PTCHD4: variants seen among roughly 807,000 people sequenced by gnomAD.
PTCHD4 encodes the protein patched domain containing 4.
Under a neutral mutation model 58.1 loss-of-function variants are expected in PTCHD4, and 33 were observed. The observed-to-expected ratio is 0.57, with a 90% CI of 0.43 to 0.76. The LOEUF (loss-of-function observed/expected upper bound fraction) is 0.76. Among genes scored for constraint, PTCHD4 ranks in the 30% least tolerant of loss-of-function variants. The probability of loss-of-function intolerance (pLI) is 0.00; values close to 1 mark genes in which losing one functional copy is unlikely to be tolerated. For synonymous variants in PTCHD4, 478 were observed against 409.6 expected, an observed-to-expected ratio of 1.17 and a Z score of -2.02; for missense variants, 1,058 against 1,027.1, an observed-to-expected ratio of 1.03 and a Z score of -0.41.
intron 1 of PTCHD4, among the ~76,000 whole-genome samples, chr6:48,096,028 T>C (rs1024150511): frequency 5.3e-5 from 8 of 152,326 alleles, no homozygotes; most frequent in Admixed American, 2.0e-4. Context: ...GAAGCAATGA[T>C]GAATAGGATA....
At chr6:47,992,330 C>T (rs960805857) in intron 4 of PTCHD4, among the ~76,000 whole-genome samples, 2 of 152,062 alleles carry the variant, frequency 1.3e-5, no homozygotes, top group East Asian at 3.8e-4. Flanking sequence ...TATGCACGCA[C>T]GTAATAACAT....
chr6:48,104,476 G>A (rs573018913), intron 1 of PTCHD4, among the ~76,000 whole-genome samples: 29 of 152,214 alleles, frequency 1.9e-4, no homozygotes, highest in Admixed American at 9.2e-4. Flanking sequence ...AGGAACAACC[G>A]GTACCAGCCA....
intron 3 of PTCHD4, among the ~76,000 whole-genome samples, chr6:48,017,132 A>T (rs960243299): frequency 6.6e-6 from 1 of 152,150 alleles, no homozygotes; most frequent in African/African-American, 2.4e-5. Flanking sequence ...ATTTTTCCTC[A>T]TATTTATTTT....
At chr6:48,075,663 C>T (rs1230741548) in intron 1 of PTCHD4, among the ~76,000 whole-genome samples, 2 of 152,100 alleles carry the variant, frequency 1.3e-5, no homozygotes, top group Admixed American at 6.5e-5. Context: ...TTTTTGGTTT[C>T]CCAGTGCATA....
intron 3 of PTCHD4, among the ~76,000 whole-genome samples, chr6:48,061,880 T>G (rs1434702053): frequency 6.6e-6 from 1 of 152,122 alleles, no homozygotes; most frequent in Non-Finnish European, 1.5e-5. Context: ...GGAGGAGACT[T>G]GAGTGATTTG....
Position 47,878,377 on chromosome 6 carries a change from C to T in PTCHD4, c.2458G>A (p.Ala820Thr), listed in dbSNP as rs761782656. 11 of 1,612,202 alleles carry T rather than the reference C, an allele frequency of 6.8e-6. No homozygotes were observed. Among genetic ancestry groups the T allele is most frequent in the Non-Finnish European group, 9.3e-6 (11 of 1,179,328 alleles). ...ATTTCCTCTCTCTCCTTTCGCTTGG[C>T]ACGTTTCTTTTTCTTGTGGTGCTTT... ...SKKHHKKKKR[A>T]KRKEREEIEC... Residue 820 changes from alanine (A) to threonine (T), a missense_variant, in exon 5 of 5, where the codon GCC (alanine) becomes ACC (threonine). Ala to Thr is a moderately conservative substitution (Grantham distance 58). Transcript: ENST00000339488.
intron 4 of PTCHD4, among the ~76,000 whole-genome samples, chr6:47,978,032 T>G (rs1767759147): frequency 6.6e-6 from 1 of 152,176 alleles, no homozygotes; most frequent in African/African-American, 2.4e-5. Context: ...AGTAATGAAC[T>G]TATTGATAGA....
rs966443852 is a variant in PTCHD4 at position 47,997,539 on chromosome 6, C to T, written c.898+11095G>A. Among the ~76,000 whole-genome samples, 12 of 152,104 alleles carry T rather than the reference C, an allele frequency of 7.9e-5. No individual in the cohort carries two copies. In the South Asian group the frequency reaches 1.5e-3, roughly 18 times the overall value. ...GGACCTAGTCTTATTTCCATTTAGA[C>T]TAAGTCAACGAGGGGAAGCAGCAAA... On this transcript the variant is annotated intron_variant, in intron 4 of 4. Coordinates refer to ENST00000339488, the MANE Select transcript of PTCHD4 (RefSeq NM_001384253.1).
intron 4 of PTCHD4, among the ~76,000 whole-genome samples, chr6:47,966,424 C>T (rs1196437349): frequency 6.6e-6 from 1 of 152,136 alleles, no homozygotes; most frequent in Non-Finnish European, 1.5e-5. Flanking sequence ...TGGTGAAGGG[C>T]CTTGCCTCAA....
intron 4 of PTCHD4, among the ~76,000 whole-genome samples, chr6:47,956,842 C>T (rs1462462942): frequency 6.6e-6 from 1 of 152,058 alleles, no homozygotes; most frequent in Non-Finnish European, 1.5e-5. Context: ...TGTCTTAGAG[C>T]AGTGAGAATT....
chr6:47,895,122 G>A (rs1216375036), intron 4 of PTCHD4, among the ~76,000 whole-genome samples: 1 of 146,810 alleles, frequency 6.8e-6, no homozygotes, highest in Non-Finnish European at 1.5e-5. Flanking sequence ...GCGACAGAGT[G>A]AGATTCTGTC....
chr6:47,914,215 T>G (rs949893543), intron 4 of PTCHD4, among the ~76,000 whole-genome samples: 1 of 152,156 alleles, frequency 6.6e-6, no homozygotes, highest in African/African-American at 2.4e-5. Context: ...GCCATTTAAG[T>G]GTTTTCTTAC....
chr6:47,923,642 G>A (rs1464867678), intron 4 of PTCHD4, among the ~76,000 whole-genome samples: 2 of 152,120 alleles, frequency 1.3e-5, no homozygotes, highest in Non-Finnish European at 2.9e-5. Flanking sequence ...CAAAGAGCAT[G>A]GATGATGTCA....
intron 4 of PTCHD4, among the ~76,000 whole-genome samples, chr6:47,982,482 T>TC (rs386406974): frequency 0.024 from 248 of 10,546 alleles, no homozygotes; most frequent in East Asian, 0.15. Flanking sequence ...TATCTCTCTC[T>TC]TTTTTTTTTT....
At chr6:48,098,307 ATTTCT>A (rs1316284563) in intron 1 of PTCHD4, among the ~76,000 whole-genome samples, 1 of 131,662 alleles carries the variant, frequency 7.6e-6, no homozygotes, top group Admixed American at 7.8e-5. Context: ...AGTAACTGGA[ATTTCT>A]TTTCTTTTCT....
At chr6:48,004,970 G>A (rs2753191) in intron 4 of PTCHD4, among the ~76,000 whole-genome samples, 1 of 152,042 alleles carries the variant, frequency 6.6e-6, no homozygotes, top group African/African-American at 2.4e-5. Context: ...TACTTCTCTA[G>A]AGAGACTGCA....
chr6:48,101,197 T>A (rs541818933), intron 1 of PTCHD4, among the ~76,000 whole-genome samples: 21 of 152,060 alleles, frequency 1.4e-4, no homozygotes, highest in Non-Finnish European at 2.9e-5. Flanking sequence ...GGAAAAAAAA[T>A]ATCTAGTAAA....
Position 47,994,956 on chromosome 6 carries a change from T to A in PTCHD4, c.898+13678A>T, listed in dbSNP as rs1282315633. ...TAAATAACACAACCAAAAAGAAAAA[T>A]GTTCTAGGAAGTTTACAGGAGGGAA... is the stretch of plus-strand genomic sequence containing the variant. On this transcript the variant is annotated intron_variant, in intron 4 of 4. Transcript: ENST00000339488. Among the ~76,000 whole-genome samples the A allele has an allele frequency of 2.0e-5, 3 of 152,072 alleles. No homozygotes were observed. The East Asian group carries it at 5.8e-4, about 29-fold the overall frequency.
intron 1 of PTCHD4, among the ~76,000 whole-genome samples, chr6:48,099,844 G>A (rs1230043590): frequency 6.6e-6 from 1 of 152,132 alleles, no homozygotes; most frequent in Non-Finnish European, 1.5e-5. Context: ...GAATTTTTAG[G>A]TGCATGTTTA....
Sources: allele counts gnomAD v4.1 joint callset (sites outside exome capture counted in the v4.1 genomes callset), GRCh38; gene constraint gnomAD v4.1.1; transcripts MANE v1.5; gene names NCBI Gene and HGNC (gene_info 2026-07-23, HGNC 2026-07-21).